Variants in TEX15 observed in about 807,000 individuals in gnomAD.
TEX15 encodes testis-expressed protein 15.
Under a neutral mutation model 237.3 loss-of-function variants are expected in TEX15, and 171 were observed. That is an observed-to-expected ratio of 0.72 (90% CI 0.64 to 0.82). The LOEUF (loss-of-function observed/expected upper bound fraction) is 0.82, where lower values mean the gene tolerates loss of function less well. Ranked by LOEUF, TEX15 falls within the 40% of genes least tolerant of loss-of-function variation. The pLI, the probability that TEX15 is intolerant of heterozygous loss-of-function variation, is 0.00. For missense variants in TEX15, 3,750 were observed against 3,646.5 expected (o/e 1.03, Z -0.73); for synonymous variants, 1,338 against 1,269.8 (o/e 1.05, Z -1.14).
intron 4 of TEX15, among the ~76,000 whole-genome samples, chr8:30,869,373 G>T (rs140989334): frequency 1.1e-4 from 17 of 151,926 alleles, no homozygotes; most frequent in Admixed American, 1.1e-3. Flanking sequence ...AAGCTTGCAG[G>T]ATGGCATATA....
chr8:30,842,987 A>G lies in TEX15; in HGVS notation c.7180T>C (p.Cys2394Arg). The G allele has an allele frequency of 1.2e-6, 2 of 1,613,290 alleles. No individual in the cohort carries two copies. The highest frequency in any genetic ancestry group is 1.7e-6 in the Non-Finnish European group (2 of 1,179,660). Residue 2394 changes from cysteine (C) to arginine (R), a missense_variant, in exon 8 of 11, where the codon TGT becomes CGT. Transcript: ENST00000643185. ...LKKLQDLTLR[C>R]TDHLEILKKY... ...TTTAAAATTTCTAAGTGATCTGTAC[A>G]TCTCAAGGTGAGATCCTGTAATTTT...
At chr8:30,838,813 T>C (rs1807376277) in intron 9 of TEX15, among the ~76,000 whole-genome samples, 1 of 110,472 alleles carries the variant, frequency 9.1e-6, no homozygotes, top group Non-Finnish European at 1.9e-5. Flanking sequence ...TATATATATA[T>C]ATATATATGA....
intron 4 of TEX15, among the ~76,000 whole-genome samples, chr8:30,872,534 AAGAC>A (rs1373900702): frequency 2.0e-5 from 3 of 152,098 alleles, no homozygotes; most frequent in Non-Finnish European, 4.4e-5. Flanking sequence ...AATTAATTGT[AAGAC>A]AGCCTCAGGC....
chr8:30,837,676 G>T lies in TEX15; in HGVS notation c.8608C>A (p.Pro2870Thr). 6.2e-7 allele frequency: 1 copy of T among 1,613,990 alleles called. No individual in the cohort carries two copies. The highest frequency in any genetic ancestry group is 1.1e-5 in the South Asian group (1 of 91,026). Reference sequence around the variant, plus strand: ...TCAGAAAGGCAGGATTTTTGGGTGGGATCTGGGGAATTTTTAAGAAATTTC... The same window carrying T: ...TCAGAAAGGCAGGATTTTTGGGTGGTATCTGGGGAATTTTTAAGAAATTTC... ...LQKFLKNSPD[P>T]TQKSCLSDIN... The change falls in exon 10 of 11, where the codon CCC becomes ACC. Residue 2870 changes from proline to threonine, a missense_variant. Transcript: ENST00000643185.
At chr8:30,876,417 C>T (rs930408185) in intron 3 of TEX15, among the ~76,000 whole-genome samples, 10 of 152,104 alleles carry the variant, frequency 6.6e-5, no homozygotes, top group African/African-American at 1.9e-4. Context: ...TAAGTTCTTC[C>T]GGCTTTTAGC....
chr8:30,867,735 A>C (rs1245290274), intron 4 of TEX15, among the ~76,000 whole-genome samples: 1 of 152,126 alleles, frequency 6.6e-6, no homozygotes, highest in Non-Finnish European at 1.5e-5. Flanking sequence ...AACAGGGGCT[A>C]ACATTTCTTA....
At chr8:30,900,526 T>C (rs1022732056) in intron 1 of TEX15, among the ~76,000 whole-genome samples, 5 of 152,232 alleles carry the variant, frequency 3.3e-5, no homozygotes, top group Non-Finnish European at 7.3e-5. Flanking sequence ...AGTTGAAAGA[T>C]AGTTTTTAAG....
At chr8:30,883,803 A>G (rs1308403956) in intron 3 of TEX15, among the ~76,000 whole-genome samples, 6 of 152,198 alleles carry the variant, frequency 3.9e-5, no homozygotes, top group Admixed American at 1.3e-4. Context: ...TATTACCGCA[A>G]TAAACATATG....
At chr8:30,834,421 C>T (rs1807247074) in intron 10 of TEX15, among the ~76,000 whole-genome samples, 1 of 152,230 alleles carries the variant, frequency 6.6e-6, no homozygotes, top group African/African-American at 2.4e-5. Context: ...ATCTGCCTGC[C>T]TTGGCCTCCC....
At chr8:30,911,566 C>A (rs940575152) in intron 1 of TEX15, among the ~76,000 whole-genome samples, 11 of 152,168 alleles carry the variant, frequency 7.2e-5, no homozygotes, top group African/African-American at 2.7e-4. Context: ...TTTGAAACAG[C>A]CCCATATTCA....
intron 4 of TEX15, among the ~76,000 whole-genome samples, chr8:30,872,033 G>A (rs981918275): frequency 6.6e-6 from 1 of 152,072 alleles, no homozygotes; most frequent in African/African-American, 2.4e-5. Flanking sequence ...AAATTCCAAA[G>A]GCTAGTAACT....
In TEX15 at chr8:30,890,439, T is replaced by C. The variant is rs375681757; in HGVS notation, c.-9-3128A>G. 7.2e-4 allele frequency: 109 copies of C among 152,288 alleles called. 1 individual carries two copies. Among genetic ancestry groups the C allele is most frequent in the African/African-American group, 2.6e-3 (107 of 41,572 alleles). The allele number at this position is 152,288 out of a possible 1,614,324, so 9.4% of individuals were successfully genotyped here. On this transcript the variant is annotated intron_variant, in intron 2 of 10. Transcript: ENST00000643185. ...ATACATCATAAATCAGCTGAGTTCA[T>C]CTCAGAAATGCAAATATTTGCCATT...
At chr8:30,868,862 A>ATTCTTTTTT (rs1309689456) in intron 4 of TEX15, among the ~76,000 whole-genome samples, 3 of 147,160 alleles carry the variant, frequency 2.0e-5, no homozygotes, top group African/African-American at 7.8e-5. Flanking sequence ...TTTGGGCTAA[A>ATTCTTTTTT]TTCTTTTTTT....
chr8:30,845,813 ATTTTC>A lies in TEX15; in HGVS notation c.4349_4353del (p.Arg1450IlefsTer2). On this transcript the variant is annotated frameshift_variant, in exon 8 of 11. Transcript: ENST00000643185. LOFTEE classifies it high-confidence loss of function. ...GCTCTTTTCTTTCTCCGTTTGTCATATTTTCTTTTTGACGAAAAATGCTTAGTAGA... is the reference window on the plus strand; with the variant it reads ...GCTCTTTTCTTTCTCCGTTTGTCATATTTTTGACGAAAAATGCTTAGTAGA... The A allele has an allele frequency of 1.2e-6, 2 of 1,608,842 alleles. No homozygotes were observed.
Position 30,847,428 on chromosome 8 carries a change from C to A in TEX15, c.2739G>T (p.Leu913Phe), listed in dbSNP as rs1418288860. 1 of 1,611,444 alleles carries A rather than the reference C, an allele frequency of 6.2e-7. No homozygotes were observed. The highest frequency in any genetic ancestry group is 1.7e-5 in the Admixed American group (1 of 59,582). The change falls in exon 8 of 11, where the codon TTG (leucine) becomes TTT (phenylalanine). Residue 913 changes from leucine (L) to phenylalanine (F), a missense_variant. Physicochemically the swap from Leu to Phe is conservative, Grantham distance 22 (BLOSUM62 0). Coordinates refer to ENST00000643185, the MANE Select transcript of TEX15 (RefSeq NM_001350162.2). ...EDKNYHNIEI[L>F]SSEEFSTKFN... ...ATTTAGTAGAAAATTCTTCAGAACT[C>A]AAAATTTCTATATTGTGGTAATTTT...
At chr8:30,852,968 T>C (rs1807820063) in intron 7 of TEX15, among the ~76,000 whole-genome samples, 1 of 152,210 alleles carries the variant, frequency 6.6e-6, no homozygotes, top group African/African-American at 2.4e-5. Flanking sequence ...AAGAGCCACA[T>C]GTGACTAGTG....
intron 3 of TEX15, among the ~76,000 whole-genome samples, chr8:30,877,769 T>G (rs1790108948): frequency 1.3e-5 from 2 of 152,180 alleles, no homozygotes; most frequent in Non-Finnish European, 2.9e-5. Flanking sequence ...GTATCAAAAC[T>G]AGGAAAATGA....
At chr8:30,877,472 C>T (rs1808424919) in intron 3 of TEX15, among the ~76,000 whole-genome samples, 1 of 152,088 alleles carries the variant, frequency 6.6e-6, no homozygotes, top group South Asian at 2.1e-4. Context: ...AACACTATAA[C>T]CAGCTGATTT....
intron 5 of TEX15, among the ~76,000 whole-genome samples, chr8:30,861,480 A>G (rs1808049908): frequency 6.6e-6 from 1 of 152,186 alleles, no homozygotes; most frequent in Non-Finnish European, 1.5e-5. Flanking sequence ...TCAAAACAAT[A>G]CTAAGAATAA....
Sources: allele counts gnomAD v4.1 joint callset (sites outside exome capture counted in the v4.1 genomes callset), GRCh38; gene constraint gnomAD v4.1.1; transcripts MANE v1.5; gene names NCBI Gene and HGNC (gene_info 2026-07-23, HGNC 2026-07-21).